LRFN5: variants seen among roughly 807,000 people sequenced by gnomAD.
The protein encoded by LRFN5 is leucine rich repeat and fibronectin type III domain containing 5.
Under a neutral mutation model 45.6 loss-of-function variants are expected in LRFN5, and 24 were observed. The observed-to-expected ratio is 0.53, with a 90% CI of 0.38 to 0.74. The LOEUF (loss-of-function observed/expected upper bound fraction) is 0.74. LRFN5 is among the 30% of genes least tolerant of loss of function. The pLI, the probability that LRFN5 is intolerant of heterozygous loss-of-function variation, is 0.00. For missense variants in LRFN5, 776 were observed against 861.5 expected (o/e 0.90, Z 1.24); for synonymous variants, 340 against 313.8 (o/e 1.08, Z -0.88).
At chr14:41,688,714 A>C (rs1412861058) in intron 1 of LRFN5, among the ~76,000 whole-genome samples, 3 of 151,854 alleles carry the variant, frequency 2.0e-5, no homozygotes, top group Non-Finnish European at 4.4e-5. Flanking sequence ...GAGATACCAA[A>C]ATTTATGAGA....
intron 1 of LRFN5, among the ~76,000 whole-genome samples, chr14:41,681,081 G>C (rs1423456692): frequency 6.6e-6 from 1 of 151,760 alleles, no homozygotes; most frequent in Non-Finnish European, 1.5e-5. Context: ...CAGATGAGAG[G>C]AAAGAAAAAT....
At position 41,775,093 on chromosome 14, in the gene LRFN5, CTTTT is replaced by C. The variant is rs59438733; in HGVS notation, c.-21+8076_-21+8079del. Among the ~76,000 whole-genome samples, 5 of 112,482 alleles carry C rather than the reference CTTTT, an allele frequency of 4.4e-5. 1 individual carries two copies. Among genetic ancestry groups the C allele is most frequent in the South Asian group, 3.0e-4 (1 of 3,356 alleles). 73.8% of individuals were successfully genotyped at this position (112,482 alleles called of 152,430 possible). A position where few individuals can be genotyped will look rare whatever the true frequency, so the allele number is the denominator to read the frequency against. On this transcript the variant is annotated intron_variant, in intron 2 of 5. Transcript: ENST00000298119. Reference sequence around the variant, plus strand: ...AGATTTGATGCTACTTTTTCTTTTTCTTTTTTTTTTTTTTTGAGACGGAGTCTCG... The same window carrying C: ...AGATTTGATGCTACTTTTTCTTTTTCTTTTTTTTTTTGAGACGGAGTCTCG...
In LRFN5 at chr14:41,608,082, T is replaced by C. The variant is rs1276641711; in HGVS notation, c.-677T>C. On this transcript the variant is annotated 5_prime_UTR_variant, in exon 1 of 6. Transcript: ENST00000298119. ...GGAGGAGAACTTGAAGGAAACGTGA[T>C]TAAAGGGCTATGCGAGAACGCTCTC... The C allele has an allele frequency of 6.6e-6, 1 of 152,210 alleles. No individual in the cohort carries two copies. Among genetic ancestry groups the C allele is most frequent in the African/African-American group, 2.4e-5 (1 of 41,452 alleles). 9.4% of individuals were successfully genotyped at this position (152,210 alleles called of 1,614,324 possible).
chr14:41,705,655 C>T (rs548744359), intron 1 of LRFN5, among the ~76,000 whole-genome samples: 41 of 152,190 alleles, frequency 2.7e-4, no homozygotes, highest in African/African-American at 8.9e-4. Flanking sequence ...CCATATCATA[C>T]TCTATCCCTA....
At chr14:41,610,752 G>T (rs796498965) in intron 1 of LRFN5, among the ~76,000 whole-genome samples, 3 of 136,998 alleles carry the variant, frequency 2.2e-5, no homozygotes, top group Admixed American at 7.6e-5. Flanking sequence ...ATTTAAAAAA[G>T]GATTTTTTTC....
chr14:41,782,347 T>G (rs890677241), intron 2 of LRFN5, among the ~76,000 whole-genome samples: 3 of 152,114 alleles, frequency 2.0e-5, no homozygotes, highest in Non-Finnish European at 2.9e-5. Context: ...CATTTTTCCT[T>G]TCTGTTACAA....
chr14:41,670,203 CTGTG>C (rs199613410), intron 1 of LRFN5, among the ~76,000 whole-genome samples: 1 of 113,484 alleles, frequency 8.8e-6, no homozygotes, highest in South Asian at 2.9e-4. Context: ...TATACATTCT[CTGTG>C]TGTGTGTGTA....
At chr14:41,756,930 G>C (rs149477793) in intron 1 of LRFN5, among the ~76,000 whole-genome samples, 1,990 of 150,862 alleles carry the variant, frequency 0.013, 13 homozygotes, top group Middle Eastern at 0.038. Flanking sequence ...TACAGATGGG[G>C]TTTTGGTGTG....
In LRFN5 at chr14:41,887,534, G is replaced by A. The variant is rs751479194; in HGVS notation, c.909G>A (p.Arg303=). ...THEMRVLEGQ[R]ATLRCKARGD... ...AGATGAGAGTCCTGGAGGGACAAAG[G>A]GCAACACTGAGGTGCAAAGCCAGGG... Residue 303 remains arginine, a synonymous_variant, in exon 3 of 6, where the codon AGG becomes AGA. Coordinates refer to ENST00000298119, the MANE Select transcript of LRFN5 (RefSeq NM_152447.5). This position sits in a 1 kb window ranked among gnomAD's most constrained non-coding sequence, Gnocchi z 4.8. The A allele has an allele frequency of 9.3e-6, 15 of 1,614,018 alleles. No homozygotes were observed. The South Asian group carries it at 1.5e-4, about 17-fold the overall frequency.
In LRFN5 at chr14:41,887,406, G is replaced by T; in HGVS notation, c.781G>T (p.Glu261Ter). Reference sequence around the variant, plus strand: ...GCGTCTGTCCAGAGAAGATGACTTAGAGACCTGTGCTTCTCCTCCACTTTT... The same window carrying T: ...GCGTCTGTCCAGAGAAGATGACTTATAGACCTGTGCTTCTCCTCCACTTTT... The part of the protein sequence containing the change: ...LRRLSREDDL[E>*]TCASPPLLTG... Residue 261 changes from glutamate (E) to a stop codon, truncating the protein, a stop_gained, in exon 3 of 6, where the codon GAG becomes TAG. Coordinates refer to ENST00000298119, the MANE Select transcript of LRFN5 (RefSeq NM_152447.5). LOFTEE classifies it high-confidence loss of function. This position sits in a 1 kb window ranked among gnomAD's most constrained non-coding sequence, Gnocchi z 4.8. The T allele has an allele frequency of 6.2e-7, 1 of 1,614,194 alleles. No individual in the cohort carries two copies. Among genetic ancestry groups the T allele is most frequent in the Non-Finnish European group, 8.5e-7 (1 of 1,180,030 alleles).
At chr14:41,794,811 T>C (rs1183381729) in intron 2 of LRFN5, among the ~76,000 whole-genome samples, 2 of 152,134 alleles carry the variant, frequency 1.3e-5, no homozygotes, top group South Asian at 2.1e-4. Context: ...TATAAAAAAA[T>C]GCATAATCTG....
At chr14:41,892,229 TCA>T (rs933544889) in intron 4 of LRFN5, 41 of 985,002 alleles carry the variant, frequency 4.2e-5, no homozygotes, top group Middle Eastern at 1.0e-3. Flanking sequence ...TTTTGAGAAC[TCA>T]CATAGAAGAT....
At chr14:41,879,916 CTTTTTTTTT>C (rs34553310) in intron 2 of LRFN5, among the ~76,000 whole-genome samples, 213 of 56,478 alleles carry the variant, frequency 3.8e-3, no homozygotes, top group African/African-American at 0.015. Context: ...TCAATTTTTC[CTTTTTTTTT>C]TTTTTTTTTT....
intron 2 of LRFN5, among the ~76,000 whole-genome samples, chr14:41,768,566 A>T (rs1360596121): frequency 2.0e-5 from 3 of 152,078 alleles, no homozygotes; most frequent in Non-Finnish European, 4.4e-5. Context: ...ATGCATTCTA[A>T]ATTTTCTGTG....
At position 41,869,299 on chromosome 14, in the gene LRFN5, A is replaced by C. The variant is rs528633691; in HGVS notation, c.-20-17307A>C. Reference sequence around the variant, plus strand: ...GTACAACACCACAGGTCTGTTAGGAAGTCCCTATTTTCATCATCAGAAAAA... The same window carrying C: ...GTACAACACCACAGGTCTGTTAGGACGTCCCTATTTTCATCATCAGAAAAA... On this transcript the variant is annotated intron_variant, in intron 2 of 5. Coordinates refer to ENST00000298119, the MANE Select transcript of LRFN5 (RefSeq NM_152447.5). Among the ~76,000 whole-genome samples the C allele has an allele frequency of 2.0e-4, 30 of 152,244 alleles. No homozygotes were observed. In the South Asian group the frequency reaches 5.4e-3, roughly 27 times the overall value.
intron 2 of LRFN5, among the ~76,000 whole-genome samples, chr14:41,789,093 C>A (rs61988381): frequency 0.24 from 36,669 of 151,812 alleles, 4,961 homozygotes; most frequent in South Asian, 0.41. Context: ...ATAAGTTTTA[C>A]TTTTCTTCCA....
chr14:41,693,262 C>T (rs1241235596), intron 1 of LRFN5, among the ~76,000 whole-genome samples: 1 of 152,042 alleles, frequency 6.6e-6, no homozygotes, highest in Middle Eastern at 3.2e-3. Context: ...ATCAGTGTGG[C>T]AGTTTCTATA....
intron 2 of LRFN5, among the ~76,000 whole-genome samples, chr14:41,853,247 T>C (rs1238736308): frequency 6.6e-6 from 1 of 151,972 alleles, no homozygotes; most frequent in African/African-American, 2.4e-5. Context: ...TTCATTAATT[T>C]ATACAACAAG....
At position 41,904,181 on chromosome 14, in the gene LRFN5, A is replaced by G. The variant is rs745345818; in HGVS notation, c.*6A>G. On this transcript the variant is annotated 3_prime_UTR_variant, in exon 6 of 6. Coordinates refer to ENST00000298119, the MANE Select transcript of LRFN5 (RefSeq NM_152447.5). ...AGAGGCTGGAGTTAATCTGAAGAGCACCACTTCTCCTCTCTCTCCTGAAAA... is the reference window on the plus strand; with the variant it reads ...AGAGGCTGGAGTTAATCTGAAGAGCGCCACTTCTCCTCTCTCTCCTGAAAA... 8 of 1,608,262 alleles carry G rather than the reference A, an allele frequency of 5.0e-6. No homozygotes were observed. The African/African-American group carries it at 9.4e-5, about 19-fold the overall frequency.
Sources: gnomAD v4.1 joint callset for allele counts (sites outside exome capture counted in the v4.1 genomes callset) on GRCh38, gnomAD v4.1.1 for gene constraint, Gnocchi (gnomAD v3.1) non-coding constraint, MANE v1.5 for transcripts, NCBI Gene and HGNC (gene_info 2026-07-23, HGNC 2026-07-21) for gene names.